Variants in DESI1 observed in about 807,000 individuals in gnomAD.
DESI1 encodes PPPDE peptidase domain containing 2.
DESI1 carries 17 observed loss-of-function variants against 22.4 expected under a neutral mutation model. The observed-to-expected ratio is 0.76, with a 90% CI of 0.52 to 1.14. The LOEUF is 1.14. Among genes scored for constraint, DESI1 ranks in the 50% most tolerant of loss-of-function variants. The pLI, the probability that DESI1 is intolerant of heterozygous loss-of-function variation, is 0.00. For missense variants in DESI1, 177 were observed against 208.9 expected (o/e 0.85, Z 0.94); for synonymous variants, 92 against 84.2 (o/e 1.09, Z -0.51).
chr22:41,610,271 C>G (rs1046371959), intron 1 of DESI1, among the ~76,000 whole-genome samples: 11 of 149,998 alleles, frequency 7.3e-5, no homozygotes, highest in African/African-American at 2.5e-4. Context: ...CCCAGCTACT[C>G]GGGAAGCTGA....
rs1035747017 is a variant in DESI1 at position 41,613,065 on chromosome 22, T to C, written c.89-5204A>G. 3.9e-5 allele frequency among the ~76,000 whole-genome samples: 6 copies of C among 152,286 alleles called. No homozygotes were observed. The Middle Eastern group carries it at 0.01, about 259-fold the overall frequency. ...AGAACACTAAGCCTGAGCTGTCCAA[T>C]ATGGTGACCACTGACCACATGTGGC... On this transcript the variant is annotated intron_variant, in intron 1 of 5. Transcript: ENST00000263256.
Position 41,607,306 on chromosome 22 carries a change from C to G in DESI1, c.136G>C (p.Asp46His). The G allele has an allele frequency of 6.2e-7, 1 of 1,612,872 alleles. No individual in the cohort carries two copies. Among genetic ancestry groups the G allele is most frequent in the East Asian group, 2.2e-5 (1 of 44,790 alleles). The change falls in exon 3 of 6, where the codon GAT (aspartate) becomes CAT (histidine). Residue 46 changes from aspartate (D) to histidine (H), a missense_variant. Coordinates refer to ENST00000263256, the MANE Select transcript of DESI1 (RefSeq NM_015704.3). ...CCACCACTGCCGAAGAAGAACTCATCCTTGTGCACAACTATGGATGTGTGC... is the reference window on the plus strand; with the variant it reads ...CCACCACTGCCGAAGAAGAACTCATGCTTGTGCACAACTATGGATGTGTGC... ...IWHTSIVVHK[D>H]EFFFGSGGIS... is the part of the protein sequence containing the mutation.
rs768917579 is a variant in DESI1, at chr22:41,603,351, A to G, written c.321T>C (p.Asn107=). Residue 107 remains asparagine (N), a synonymous_variant, in exon 5 of 6, where the codon AAT becomes AAC. Coordinates refer to ENST00000263256, the MANE Select transcript of DESI1 (RefSeq NM_015704.3). ...RGEAYNLFEH[N]CNTFSNEVAQ... is the part of the protein sequence containing the mutation. ...CCACTTCGTTGCTGAAGGTGTTACA[A>G]TTGTGTTCAAAGAGGTTGTAGGCCT... 4 of 1,614,088 alleles carry G rather than the reference A, an allele frequency of 2.5e-6. No individual in the cohort carries two copies. The highest frequency in any genetic ancestry group is 2.7e-5 in the African/African-American group (2 of 74,944).
rs778037939 is a variant in DESI1, at chr22:41,603,236, GCAGGGA to G, written c.413+17_413+22del. 1 of 1,614,016 alleles carries G rather than the reference GCAGGGA, an allele frequency of 6.2e-7. No homozygotes were observed. The highest frequency in any genetic ancestry group is 8.5e-7 in the Non-Finnish European group (1 of 1,179,936). ...ATTTTCAAGGTTGGCCAAGGCAGGG[GCAGGGA>G]CAGAGGCCACACTTACGTGGAGAGA... On this transcript the variant is annotated intron_variant, in intron 5 of 5. Coordinates refer to ENST00000263256, the MANE Select transcript of DESI1 (RefSeq NM_015704.3).
chr22:41,609,965 A>G (rs548147652), intron 1 of DESI1, among the ~76,000 whole-genome samples: 33 of 150,842 alleles, frequency 2.2e-4, no homozygotes, highest in African/African-American at 7.6e-4. Context: ...CTATAGTCCC[A>G]GCTACTCGGG....
intron 3 of DESI1, among the ~76,000 whole-genome samples, chr22:41,604,938 G>T (rs1252964535): frequency 6.6e-6 from 1 of 151,762 alleles, no homozygotes; most frequent in East Asian, 1.9e-4. Flanking sequence ...GGGGAGGGGG[G>T]GCCCTGGGAA....
chr22:41,617,818 GGGGAGTGGGAAGGGGGCA>G (rs1490012002), intron 1 of DESI1, among the ~76,000 whole-genome samples: 1 of 152,160 alleles, frequency 6.6e-6, no homozygotes, highest in Non-Finnish European at 1.5e-5. Context: ...ATAAAAGGGC[GGGGAGTGGGAAGGGGGCA>G]GGTCTATTAC....
At position 41,601,206 on chromosome 22, in the gene DESI1, G is replaced by A; in HGVS notation, c.414-16C>T. On this transcript the variant is annotated splice_polypyrimidine_tract_variant and intron_variant, in intron 5 of 5. Coordinates refer to ENST00000263256, the MANE Select transcript of DESI1 (RefSeq NM_015704.3). ...TCCAAAGGGCCTGCAAGGAAACAGA[G>A]ACATGAGAGGGGTGGGCTCTGGGAT... 1.9e-6 allele frequency: 3 copies of A among 1,597,566 alleles called. No homozygotes were observed. Among genetic ancestry groups the A allele is most frequent in the Non-Finnish European group, 2.6e-6 (3 of 1,172,330 alleles).
chr22:41,616,772 A>C (rs1182051835), intron 1 of DESI1, among the ~76,000 whole-genome samples: 1 of 152,270 alleles, frequency 6.6e-6, no homozygotes, highest in East Asian at 1.9e-4. Context: ...GAAAAGCTAT[A>C]GAACAGTAAT....
At chr22:41,612,472 TC>T (rs1428792450) in intron 1 of DESI1, among the ~76,000 whole-genome samples, 1 of 143,762 alleles carries the variant, frequency 7.0e-6, no homozygotes, top group Non-Finnish European at 1.5e-5. Context: ...ACCACTGCAC[TC>T]CAGCCTGGGC....
chr22:41,608,924 C>A (rs1397227457), intron 1 of DESI1, among the ~76,000 whole-genome samples: 1 of 152,162 alleles, frequency 6.6e-6, no homozygotes, highest in African/African-American at 2.4e-5. Flanking sequence ...TTGCTAACTG[C>A]TACCTTCGCT....
chr22:41,620,961 T>G lies in DESI1; in HGVS notation c.-122A>C. On this transcript the variant is annotated 5_prime_UTR_variant, in exon 1 of 6. Coordinates refer to ENST00000263256, the MANE Select transcript of DESI1 (RefSeq NM_015704.3). ...GGGGGGACCGAGCCCGGGCCCGGGC[T>G]GAGGGGTGGGGGAGAGGCCGCCCTG... 6.7e-5 allele frequency: 67 copies of G among 993,734 alleles called. No homozygotes were observed. Among genetic ancestry groups the G allele is most frequent in the Middle Eastern group, 4.7e-4 (2 of 4,214 alleles). The allele number at this position is 993,734 out of a possible 1,614,324, so 61.6% of individuals were successfully genotyped here.
In DESI1 at chr22:41,601,085, C is replaced by G. The variant is rs764505539; in HGVS notation, c.*12G>C. 9 of 1,611,350 alleles carry G rather than the reference C, an allele frequency of 5.6e-6. No individual in the cohort carries two copies. In the South Asian group the frequency reaches 8.8e-5, roughly 16 times the overall value. On this transcript the variant is annotated 3_prime_UTR_variant, in exon 6 of 6. Transcript: ENST00000263256. ...AAGCCCTGGTGAGGCAGGGCGGTCC[C>G]AGGCAGTCCTGTTAGCTCTGGCCGT...
At position 41,598,480 on chromosome 22, in the gene DESI1, C is replaced by T. The variant is rs1209353888; in HGVS notation, c.*2617G>A. 6.6e-6 allele frequency: 1 copy of T among 152,244 alleles called. No individual in the cohort carries two copies. The highest frequency in any genetic ancestry group is 1.5e-5 in the Non-Finnish European group (1 of 68,068). The allele number at this position is 152,244 out of a possible 1,614,324, so 9.4% of individuals were successfully genotyped here. A position where few individuals can be genotyped will look rare whatever the true frequency, so the allele number is the denominator to read the frequency against. On this transcript the variant is annotated 3_prime_UTR_variant, in exon 6 of 6. Transcript: ENST00000263256. ...TGATCCCTCGCTCTCTCCCCACAAA[C>T]CCTAGGGCACAGGCAATGGCACAAA...
intron 5 of DESI1, chr22:41,602,644 G>A (rs552340378): frequency 1.0e-6 from 1 of 986,884 alleles, no homozygotes; most frequent in South Asian, 4.7e-5. Context: ...GGGAGGAGGT[G>A]AGATGGCTTT....
At chr22:41,607,901 A>G (rs759575200) in intron 1 of DESI1, 40 bp from the exon 2 acceptor site, 7 of 1,612,598 alleles carry the variant, frequency 4.3e-6, no homozygotes, top group Non-Finnish European at 5.9e-6. Flanking sequence ...TGGGACTAGA[A>G]TAAGTGGCCC....
chr22:41,620,505 G>C (rs1266291754), intron 1 of DESI1, among the ~76,000 whole-genome samples: 1 of 152,170 alleles, frequency 6.6e-6, no homozygotes. Context: ...CAAGCCCCCT[G>C]CAAGGTGGAG....
At chr22:41,620,547 C>G (rs2067581527) in intron 1 of DESI1, among the ~76,000 whole-genome samples, 1 of 152,220 alleles carries the variant, frequency 6.6e-6, no homozygotes, top group African/African-American at 2.4e-5. Flanking sequence ...CCCTTGAATT[C>G]AAACGTGAGG....
rs1004644030 is a variant in DESI1 at position 41,600,535 on chromosome 22, A to T, written c.*562T>A. 5.9e-5 allele frequency: 9 copies of T among 153,228 alleles called. No individual in the cohort carries two copies. The highest frequency in any genetic ancestry group is 2.2e-4 in the African/African-American group (9 of 41,472). The allele number at this position is 153,228 out of a possible 1,614,324, so 9.5% of individuals were successfully genotyped here. On this transcript the variant is annotated 3_prime_UTR_variant, in exon 6 of 6. Coordinates refer to ENST00000263256, the MANE Select transcript of DESI1 (RefSeq NM_015704.3). The stretch of plus-strand genomic sequence containing the variant: ...TTGATCCGGAGGCAATGGCTGCTCC[A>T]GCACTGGCCTTGCTTGGGGTAAGGG...
Sources: gnomAD v4.1 joint callset for allele counts (sites outside exome capture counted in the v4.1 genomes callset) on GRCh38, gnomAD v4.1.1 for gene constraint, MANE v1.5 for transcripts, NCBI Gene and HGNC (gene_info 2026-07-23, HGNC 2026-07-21) for gene names.